The following ETV6 variants were observed in gnomAD, a reference collection of about 807,000 sequenced individuals.
The protein encoded by ETV6 is transcription factor ETV6.
Under a neutral mutation model 51.1 loss-of-function variants are expected in ETV6, and 16 were observed. The ratio of observed to expected loss-of-function variants is 0.31; its 90% CI spans 0.21 to 0.48. The LOEUF is 0.48. Among genes scored for constraint, ETV6 ranks in the 20% least tolerant of loss-of-function variants. ETV6 has a pLI of 0.99. For synonymous variants in ETV6, 240 were observed against 224.1 expected, an observed-to-expected ratio of 1.07 and a Z score of -0.64; for missense variants, 458 against 594.8, an observed-to-expected ratio of 0.77 and a Z score of 2.39.
chr12:11,839,348 CTTAG>C (rs753862756), intron 3 of ETV6, 44 bp downstream of exon 3: 27 of 1,577,414 alleles, frequency 1.7e-5, no homozygotes, highest in East Asian at 9.0e-5. Flanking sequence ...TGGAAAGTCT[CTTAG>C]TTAGTGGTTG....
intron 1 of ETV6, among the ~76,000 whole-genome samples, chr12:11,711,075 C>T (rs1865163985): frequency 1.3e-5 from 2 of 152,216 alleles, no homozygotes; most frequent in African/African-American, 4.8e-5. Flanking sequence ...TAAATAATCA[C>T]AGCACTCTTT....
chr12:11,650,909 A>G (rs1411416072), intron 1 of ETV6, among the ~76,000 whole-genome samples: 1 of 152,230 alleles, frequency 6.6e-6, no homozygotes, highest in Non-Finnish European at 1.5e-5. Flanking sequence ...GACAGTGCAG[A>G]GAGGCTATCT....
intron 5 of ETV6, among the ~76,000 whole-genome samples, chr12:11,871,233 G>A (rs1023862756): frequency 1.7e-4 from 25 of 147,012 alleles, no homozygotes; most frequent in Middle Eastern, 7.5e-3. Flanking sequence ...CTGTTGCCCA[G>A]GCTGGAGTGC....
intron 2 of ETV6, among the ~76,000 whole-genome samples, chr12:11,814,500 C>G (rs932287078): frequency 1.3e-5 from 2 of 152,028 alleles, no homozygotes; most frequent in African/African-American, 2.4e-5. Context: ...TGAGACAGAT[C>G]ACCCCAAACA....
chr12:11,787,185 A>C (rs1490927240), intron 2 of ETV6, among the ~76,000 whole-genome samples: 1 of 152,212 alleles, frequency 6.6e-6, no homozygotes, highest in Non-Finnish European at 1.5e-5. Flanking sequence ...TATAAATGTG[A>C]AAATGGATCA....
chr12:11,673,499 A>C (rs1296892187), intron 1 of ETV6, among the ~76,000 whole-genome samples: 1 of 152,226 alleles, frequency 6.6e-6, no homozygotes. Flanking sequence ...GAACAAATGA[A>C]AAAGCAGTAA....
At chr12:11,845,721 A>G (rs1229592900) in intron 3 of ETV6, among the ~76,000 whole-genome samples, 2 of 152,166 alleles carry the variant, frequency 1.3e-5, no homozygotes, top group South Asian at 2.1e-4. Flanking sequence ...GGCTGGGTGC[A>G]GTGGCTCACA....
intron 4 of ETV6, among the ~76,000 whole-genome samples, chr12:11,867,236 C>T (rs7973930): frequency 0.48 from 72,336 of 152,044 alleles, 18,392 homozygotes; most frequent in Non-Finnish European, 0.58. Flanking sequence ...CTGAAATTGC[C>T]CCTTTCCTTG....
At chr12:11,868,737 G>A (rs1383092833) in intron 4 of ETV6, among the ~76,000 whole-genome samples, 1 of 152,070 alleles carries the variant, frequency 6.6e-6, no homozygotes, top group Non-Finnish European at 1.5e-5. Flanking sequence ...AATTTTAGTT[G>A]TGAAAATGTA....
At chr12:11,860,036 T>C (rs1946692718) in intron 4 of ETV6, among the ~76,000 whole-genome samples, 1 of 152,186 alleles carries the variant, frequency 6.6e-6, no homozygotes, top group African/African-American at 2.4e-5. Flanking sequence ...TCCCAGCCTG[T>C]GAGAACTGTG....
At chr12:11,727,149 C>A (rs1030322775) in intron 1 of ETV6, among the ~76,000 whole-genome samples, 2 of 152,156 alleles carry the variant, frequency 1.3e-5, no homozygotes, top group African/African-American at 4.8e-5. Context: ...AGAGGACTTG[C>A]CTTTTAGCTC....
chr12:11,791,752 A>G lies in ETV6; in HGVS notation c.163+39173A>G, dbSNP rs563899241. Among the ~76,000 whole-genome samples the G allele has an allele frequency of 6.7e-4, 60 of 89,230 alleles. No individual in the cohort carries two copies. The East Asian group carries it at 0.015, about 22-fold the overall frequency. 58.5% of individuals were successfully genotyped at this position (89,230 alleles called of 152,430 possible). A position where few individuals can be genotyped will look rare whatever the true frequency, so the allele number is the denominator to read the frequency against. On this transcript the variant is annotated intron_variant, in intron 2 of 7. Transcript: ENST00000396373. ...GACACATACTACTATATAAGTGTTC[A>G]TTGATATTGTTATATGCTGTTTTTT...
intron 2 of ETV6, among the ~76,000 whole-genome samples, chr12:11,759,682 C>A (rs1346456943): frequency 6.6e-6 from 1 of 152,118 alleles, no homozygotes; most frequent in South Asian, 2.1e-4. Context: ...TGGGTTTCCG[C>A]AGATTGAGGA....
At chr12:11,866,023 G>A (rs1040144194) in intron 4 of ETV6, among the ~76,000 whole-genome samples, 3 of 151,956 alleles carry the variant, frequency 2.0e-5, no homozygotes, top group Admixed American at 1.3e-4. Flanking sequence ...GTTAGACCAC[G>A]TGATATTGTT....
chr12:11,854,010 C>T (rs1439373950), intron 4 of ETV6, among the ~76,000 whole-genome samples: 1 of 152,176 alleles, frequency 6.6e-6, no homozygotes, highest in African/African-American at 2.4e-5. Flanking sequence ...CACTTCATTT[C>T]TATTATTACA....
At chr12:11,724,329 G>A (rs1447700021) in intron 1 of ETV6, among the ~76,000 whole-genome samples, 1 of 152,198 alleles carries the variant, frequency 6.6e-6, no homozygotes, top group African/African-American at 2.4e-5. Context: ...TTGGGAGAAA[G>A]CTGCAAGGCC....
chr12:11,676,186 C>T (rs895814176), intron 1 of ETV6, among the ~76,000 whole-genome samples: 8 of 152,162 alleles, frequency 5.3e-5, no homozygotes, highest in Non-Finnish European at 8.8e-5. Flanking sequence ...AGCTGCCAAG[C>T]GAGGCAACGT....
chr12:11,749,368 T>G, intron 1 of ETV6, among the ~76,000 whole-genome samples: 1 of 139,868 alleles, frequency 7.1e-6, no homozygotes, highest in African/African-American at 2.8e-5. Context: ...CCCCATAATG[T>G]TAAAAGAAAG....
intron 1 of ETV6, among the ~76,000 whole-genome samples, chr12:11,667,687 AC>A (rs1405001754): frequency 1.5e-5 from 2 of 135,202 alleles, no homozygotes; most frequent in East Asian, 4.4e-4. Context: ...GTGCCACGAT[AC>A]CTGGCTAATT....
Sources: gnomAD v4.1 joint callset for allele counts (sites outside exome capture counted in the v4.1 genomes callset) on GRCh38, gnomAD v4.1.1 for gene constraint, MANE v1.5 for transcripts, NCBI Gene and HGNC (gene_info 2026-07-23, HGNC 2026-07-21) for gene names.